Variants in CNTN4 observed in about 807,000 individuals in gnomAD.
CNTN4 encodes contactin 4.
Under a neutral mutation model 122.5 loss-of-function variants are expected in CNTN4, and 77 were observed. That is an observed-to-expected ratio of 0.63 (90% CI 0.52 to 0.76). The LOEUF (loss-of-function observed/expected upper bound fraction) is 0.76, where lower values mean the gene tolerates loss of function less well. CNTN4 is among the 30% of genes least tolerant of loss of function. The probability of loss-of-function intolerance (pLI) is 0.00; values close to 1 mark genes in which losing one functional copy is unlikely to be tolerated. For synonymous variants in CNTN4, 512 were observed against 447.0 expected (o/e 1.15, Z -1.83); for missense variants, 1,256 against 1,259.1 (o/e 1.00, Z 0.04).
chr3:2,793,122 A>G (rs2092064480), intron 6 of CNTN4, among the ~76,000 whole-genome samples: 1 of 152,182 alleles, frequency 6.6e-6, no homozygotes, highest in Admixed American at 6.5e-5. Flanking sequence ...TGCTCAAAAC[A>G]GGAAGACAGA....
intron 12 of CNTN4, among the ~76,000 whole-genome samples, chr3:2,923,431 G>A (rs1488997323): frequency 2.0e-5 from 3 of 152,052 alleles, no homozygotes; most frequent in Non-Finnish European, 4.4e-5. Context: ...AATGATGTCA[G>A]TATAACATAG....
chr3:2,928,844 A>G (rs1197808472), intron 13 of CNTN4, among the ~76,000 whole-genome samples: 1 of 152,224 alleles, frequency 6.6e-6, no homozygotes, highest in African/African-American at 2.4e-5. Flanking sequence ...TTTAAAAATT[A>G]AAAAGGTTTT....
intron 3 of CNTN4, among the ~76,000 whole-genome samples, chr3:2,468,773 T>C (rs1484989863): frequency 2.0e-5 from 3 of 152,030 alleles, no homozygotes; most frequent in African/African-American, 7.2e-5. Context: ...CAAGGTATGG[T>C]CTCAAAATGC....
chr3:2,412,360 T>A (rs1045743079), intron 3 of CNTN4, among the ~76,000 whole-genome samples: 1 of 152,088 alleles, frequency 6.6e-6, no homozygotes, highest in Non-Finnish European at 1.5e-5. Flanking sequence ...CAAGTGATTC[T>A]CCTGCTTCAG....
At chr3:2,972,503 CTG>C (rs1194439272) in intron 13 of CNTN4, among the ~76,000 whole-genome samples, 1 of 152,144 alleles carries the variant, frequency 6.6e-6, no homozygotes, top group African/African-American at 2.4e-5. Context: ...CATTTTTAAA[CTG>C]ATTATAGGGA....
intron 4 of CNTN4, among the ~76,000 whole-genome samples, chr3:2,635,978 C>T (rs2082642211): frequency 6.6e-6 from 1 of 152,148 alleles, no homozygotes. Context: ...TTACTCCTCC[C>T]TAATTCCTGT....
chr3:2,148,299 C>G (rs534132876), intron 2 of CNTN4, among the ~76,000 whole-genome samples: 1 of 152,072 alleles, frequency 6.6e-6, no homozygotes, highest in East Asian at 1.9e-4. Flanking sequence ...TTTGGGAGGC[C>G]TAGGTGAGAG....
At chr3:2,782,459 C>A (rs1464827907) in intron 6 of CNTN4, among the ~76,000 whole-genome samples, 1 of 132,106 alleles carries the variant, frequency 7.6e-6, no homozygotes, top group African/African-American at 2.9e-5. Context: ...TTCCTACCTT[C>A]TTATTCTGTG....
chr3:2,522,145 CAGTTTGTG>C (rs1215565135), intron 3 of CNTN4, among the ~76,000 whole-genome samples: 5 of 102,828 alleles, frequency 4.9e-5, no homozygotes, highest in African/African-American at 7.9e-5. Context: ...CCTGCCTAAG[CAGTTTGTG>C]TGTGTGTGTG....
At chr3:2,675,124 A>C (rs1405614392) in intron 4 of CNTN4, among the ~76,000 whole-genome samples, 1 of 145,206 alleles carries the variant, frequency 6.9e-6, no homozygotes, top group East Asian at 1.9e-4. Flanking sequence ...CTTACCACAT[A>C]TATATGTATT....
intron 2 of CNTN4, among the ~76,000 whole-genome samples, chr3:2,309,878 C>G (rs1488788001): frequency 6.6e-6 from 1 of 152,098 alleles, no homozygotes; most frequent in East Asian, 1.9e-4. Flanking sequence ...TTCTGGCATG[C>G]TTGCTTTCAT....
At position 2,435,288 on chromosome 3, in the gene CNTN4, T is replaced by G. The variant is rs190398879; in HGVS notation, c.-89+96055T>G. Among the ~76,000 whole-genome samples, 3 of 152,302 alleles carry G rather than the reference T, an allele frequency of 2.0e-5. No homozygotes were observed. In the East Asian group the frequency reaches 5.8e-4, roughly 29 times the overall value. ...CAACATCCATGGATGCTCAAGTCCC[T>G]TATATAAAATGGCATAGTATTTGGA... On this transcript the variant is annotated intron_variant, in intron 3 of 24. Coordinates refer to ENST00000418658, the MANE Select transcript of CNTN4 (RefSeq NM_175607.3).
intron 2 of CNTN4, among the ~76,000 whole-genome samples, chr3:2,138,809 G>A (rs2034838214): frequency 6.6e-6 from 1 of 152,002 alleles, no homozygotes; most frequent in African/African-American, 2.4e-5. Flanking sequence ...GAACTTCTCA[G>A]TCTCCATAAT....
At chr3:2,337,441 T>C (rs1029995955) in intron 2 of CNTN4, among the ~76,000 whole-genome samples, 3 of 152,280 alleles carry the variant, frequency 2.0e-5, no homozygotes, top group African/African-American at 7.2e-5. Flanking sequence ...ATACTATAAC[T>C]AGTGGCTAAA....
At chr3:2,757,921 A>G (rs2090411273) in intron 6 of CNTN4, among the ~76,000 whole-genome samples, 2 of 152,342 alleles carry the variant, frequency 1.3e-5, no homozygotes, top group African/African-American at 4.8e-5. Context: ...TATTTAGGGT[A>G]CACACTAATT....
intron 2 of CNTN4, among the ~76,000 whole-genome samples, chr3:2,319,806 G>A (rs1036598125): frequency 5.3e-5 from 8 of 152,126 alleles, no homozygotes; most frequent in East Asian, 1.9e-4. Flanking sequence ...TACCCTCCTC[G>A]TTGTTCAAGG....
intron 2 of CNTN4, among the ~76,000 whole-genome samples, chr3:2,249,513 A>G (rs1329653064): frequency 6.6e-6 from 1 of 151,902 alleles, no homozygotes; most frequent in Admixed American, 6.6e-5. Flanking sequence ...ATTTTTGGTT[A>G]TAGAATGGGT....
intron 2 of CNTN4, among the ~76,000 whole-genome samples, chr3:2,263,157 TAGC>T (rs1456793575): frequency 3.9e-5 from 6 of 152,140 alleles, no homozygotes; most frequent in African/African-American, 1.4e-4. Context: ...AGAGAAAAAT[TAGC>T]AGTATTTTGC....
At chr3:3,006,734 A>G (rs1218918062) in intron 14 of CNTN4, among the ~76,000 whole-genome samples, 1 of 152,162 alleles carries the variant, frequency 6.6e-6, no homozygotes, top group Non-Finnish European at 1.5e-5. Context: ...GCCCGATTTC[A>G]TATACTAACT....
Sources: allele counts gnomAD v4.1 joint callset (sites outside exome capture counted in the v4.1 genomes callset), GRCh38; gene constraint gnomAD v4.1.1; transcripts MANE v1.5; gene names NCBI Gene and HGNC (gene_info 2026-07-23, HGNC 2026-07-21).